The following BTN3A1 variants were observed in gnomAD, a reference collection of about 807,000 sequenced individuals.
BTN3A1 encodes butyrophilin subfamily 3 member A1.
Under a neutral mutation model 43.0 loss-of-function variants are expected in BTN3A1, and 24 were observed. That is an observed-to-expected ratio of 0.56 (90% CI 0.40 to 0.78). BTN3A1 has a LOEUF of 0.78. BTN3A1 is among the 30% of genes least tolerant of loss of function. BTN3A1 has a pLI of 0.00. For synonymous variants in BTN3A1, 181 were observed against 234.7 expected (o/e 0.77, Z 2.09); for missense variants, 533 against 626.2 (o/e 0.85, Z 1.59).
chr6:26,411,681 C>A, intron 9 of BTN3A1, 100 bp downstream of exon 9: 1 of 1,415,924 alleles, frequency 7.1e-7, no homozygotes, highest in Non-Finnish European at 9.6e-7. Flanking sequence ...GGAAGAAAAG[C>A]TCCCATGACT....
chr6:26,406,879 G>T (rs1410586690), intron 3 of BTN3A1, among the ~76,000 whole-genome samples: 2 of 152,226 alleles, frequency 1.3e-5, no homozygotes, highest in African/African-American at 4.8e-5. Context: ...GACACTGCTA[G>T]GAAGGTGTGG....
intron 7 of BTN3A1, among the ~76,000 whole-genome samples, 181 bp from the exon 8 acceptor site, chr6:26,410,928 T>C (rs537939261): frequency 1.4e-5 from 2 of 147,524 alleles, no homozygotes; most frequent in Non-Finnish European, 3.0e-5. Context: ...ATTCGACTGA[T>C]GTTCCTGGAT....
chr6:26,412,579 C>T, intron 9 of BTN3A1: 1 of 1,546,772 alleles, frequency 6.5e-7, no homozygotes, highest in Non-Finnish European at 8.7e-7. Flanking sequence ...TAGAGCCCAG[C>T]ACAGAGACGG....
chr6:26,412,425 C>G, intron 9 of BTN3A1: 1 of 1,248,186 alleles, frequency 8.0e-7, no homozygotes, highest in Non-Finnish European at 1.1e-6. Context: ...CTCCCATTGG[C>G]CAAACCCAAC....
chr6:26,410,785 A>T (rs903637579), intron 7 of BTN3A1, among the ~76,000 whole-genome samples: 3 of 150,036 alleles, frequency 2.0e-5, no homozygotes, highest in Admixed American at 6.7e-5. Context: ...ATGTATATAT[A>T]TATGTGTATA....
chr6:26,412,783 A>G (rs369652034), intron 9 of BTN3A1: 5 of 1,551,446 alleles, frequency 3.2e-6, no homozygotes, highest in African/African-American at 1.4e-5. Flanking sequence ...GAAAAGGGGA[A>G]CTCATTTAGC....
Position 26,407,834 on chromosome 6 carries a change from G to T in BTN3A1, c.597G>T (p.Val199=). Residue 199 remains valine (V), a synonymous_variant, in exon 4 of 10, where the codon GTG becomes GTT. Transcript: ENST00000289361. ...TVEAPVVADG[V]GLYAVAASVI... Reference sequence around the variant, plus strand: ...AAGCACCTGTGGTTGCAGACGGAGTGGGCCTGTATGCAGTAGCAGCATCTG... The same window carrying T: ...AAGCACCTGTGGTTGCAGACGGAGTTGGCCTGTATGCAGTAGCAGCATCTG... The T allele has an allele frequency of 6.2e-7, 1 of 1,614,220 alleles. No individual in the cohort carries two copies. Among genetic ancestry groups the T allele is most frequent in the Non-Finnish European group, 8.5e-7 (1 of 1,180,046 alleles).
At chr6:26,408,294 C>T (rs1762091231) in intron 4 of BTN3A1, among the ~76,000 whole-genome samples, 1 of 151,962 alleles carries the variant, frequency 6.6e-6, no homozygotes, top group South Asian at 2.1e-4. Flanking sequence ...CTCCTTGAGA[C>T]AGAAGATTTT....
chr6:26,411,598 G>C lies in BTN3A1; in HGVS notation c.1018+17G>C. 2 of 1,612,264 alleles carry C rather than the reference G, an allele frequency of 1.2e-6. No individual in the cohort carries two copies. Among genetic ancestry groups the C allele is most frequent in the Admixed American group, 1.7e-5 (1 of 59,712 alleles). On this transcript the variant is annotated intron_variant, in intron 9 of 9. Coordinates refer to ENST00000289361, the MANE Select transcript of BTN3A1 (RefSeq NM_007048.6). ...TCAAGCCTGGTGAGTAAATCACTGT[G>C]TGTTCCCTGGACCAACAACCTGAGG...
chr6:26,407,613 T>C lies in BTN3A1; in HGVS notation c.434-58T>C, dbSNP rs894860809. ...GAATGTGAGTGTGCCATGATTCCTT[T>C]TGAGACCCTCTCTGATACAGGCCTC... On this transcript the variant is annotated intron_variant, in intron 3 of 9. Coordinates refer to ENST00000289361, the MANE Select transcript of BTN3A1 (RefSeq NM_007048.6). 1.9e-6 allele frequency: 3 copies of C among 1,570,486 alleles called. No individual in the cohort carries two copies. The African/African-American group carries it at 4.1e-5, about 21-fold the overall frequency.
At chr6:26,412,966 C>A (rs950561627) in intron 9 of BTN3A1, 14 of 1,457,998 alleles carry the variant, frequency 9.6e-6, no homozygotes, top group Non-Finnish European at 1.3e-5. Context: ...TCATTTCACC[C>A]TCCTCTTCCC....
At position 26,413,442 on chromosome 6, in the gene BTN3A1, G is replaced by A. The variant is rs763355527; in HGVS notation, c.1292G>A (p.Trp431Ter). ...AAAATGACACCTGAGAATGGATTCT[G>A]GACTATGGGGCTGACTGATGGGAAT... is the stretch of plus-strand genomic sequence containing the variant. ...WVKMTPENGF[W>*]TMGLTDGNKY... is the part of the protein sequence containing the mutation. The change falls in exon 10 of 10, where the codon TGG (tryptophan) becomes TAG (stop). Residue 431 changes from tryptophan (W) to a stop codon, truncating the protein, a stop_gained. Coordinates refer to ENST00000289361, the MANE Select transcript of BTN3A1 (RefSeq NM_007048.6). LOFTEE classifies it low-confidence loss of function (END_TRUNC). The A allele has an allele frequency of 6.2e-7, 1 of 1,614,120 alleles. No homozygotes were observed. The highest frequency in any genetic ancestry group is 1.1e-5 in the South Asian group (1 of 91,080).
At chr6:26,405,717 A>G (rs893184829) in intron 2 of BTN3A1, 69 bp downstream of exon 2, 1 of 1,593,420 alleles carries the variant, frequency 6.3e-7, no homozygotes, top group African/African-American at 1.3e-5. Flanking sequence ...AGGACTTTTG[A>G]CTCCTTCCCA....
chr6:26,409,656 AGTTC>A lies in BTN3A1; in HGVS notation c.840_843del (p.Phe281GlufsTer9). The A allele has an allele frequency of 6.2e-7, 1 of 1,601,444 alleles. No homozygotes were observed. The highest frequency in any genetic ancestry group is 8.5e-7 in the Non-Finnish European group (1 of 1,176,290). On this transcript the variant is annotated frameshift_variant, in exon 5 of 10. Transcript: ENST00000289361. LOFTEE classifies it high-confidence loss of function. The stretch of plus-strand genomic sequence containing the variant: ...CAACAGCAGGAGGAAAAAAAGACTC[AGTTC>A]AGAAAGAAAAAGAGAGAGCAAGAGT...
At chr6:26,405,684 C>T (rs374569079) in intron 2 of BTN3A1, 36 bp downstream of exon 2, 1 of 1,609,726 alleles carries the variant, frequency 6.2e-7, no homozygotes, top group African/African-American at 1.3e-5. Context: ...CTGAAGCAGA[C>T]AATTACCTAA....
At chr6:26,408,258 T>C (rs1248873092) in intron 4 of BTN3A1, among the ~76,000 whole-genome samples, 1 of 152,100 alleles carries the variant, frequency 6.6e-6, no homozygotes, top group Non-Finnish European at 1.5e-5. Context: ...TATATATATA[T>C]ACAAACTCAT....
intron 7 of BTN3A1, 118 bp from the exon 8 acceptor site, chr6:26,410,991 T>C (rs1581631399): frequency 1.4e-6 from 1 of 713,238 alleles, no homozygotes; most frequent in Non-Finnish European, 2.0e-6. Flanking sequence ...AGGAGGAAGA[T>C]ACAGGTGGTA....
chr6:26,404,001 A>C (rs976238003), intron 1 of BTN3A1: 1 of 152,208 alleles, frequency 6.6e-6, no homozygotes, highest in Non-Finnish European at 1.5e-5. Context: ...AGCAGTTTCG[A>C]GGAGCAAAAG....
chr6:26,413,768 C>G lies in BTN3A1; in HGVS notation c.*76C>G, dbSNP rs1418542056. The G allele has an allele frequency of 6.2e-7, 1 of 1,603,322 alleles. No homozygotes were observed. The highest frequency in any genetic ancestry group is 8.5e-7 in the Non-Finnish European group (1 of 1,179,834). ...GAGACACCAGTAACCCCGGGCTTAG[C>G]TAACGAAAGTGGGGAGCCTCAGGCT... is the stretch of plus-strand genomic sequence containing the variant. On this transcript the variant is annotated 3_prime_UTR_variant, in exon 10 of 10. Transcript: ENST00000289361.
Sources: gnomAD v4.1 joint callset for allele counts (sites outside exome capture counted in the v4.1 genomes callset) on GRCh38, gnomAD v4.1.1 for gene constraint, MANE v1.5 for transcripts, NCBI Gene and HGNC (gene_info 2026-07-23, HGNC 2026-07-21) for gene names.